AUTS2: variants seen among roughly 807,000 people sequenced by gnomAD.
AUTS2 encodes autism susceptibility gene 2 protein.
A neutral mutation model predicts 112.4 loss-of-function variants in AUTS2; 17 were observed. That is an observed-to-expected ratio of 0.15 (90% confidence interval 0.10 to 0.23). AUTS2 has a LOEUF of 0.23. Among genes scored for constraint, AUTS2 ranks in the 10% least tolerant of loss-of-function variants. AUTS2 has a pLI of 1.00. For synonymous variants in AUTS2, 751 were observed against 702.7 expected, an observed-to-expected ratio of 1.07 and a Z score of -1.09; for missense variants, 1,510 against 1,701.6, an observed-to-expected ratio of 0.89 and a Z score of 1.98.
chr7:69,687,984 G>A (rs1223750636), intron 1 of AUTS2, among the ~76,000 whole-genome samples: 1 of 152,094 alleles, frequency 6.6e-6, no homozygotes, highest in Non-Finnish European at 1.5e-5. Flanking sequence ...TGAGTTATGC[G>A]AGCAGTAAAA....
intron 6 of AUTS2, among the ~76,000 whole-genome samples, chr7:70,755,276 T>A (rs923453930): frequency 1.3e-5 from 2 of 151,874 alleles, no homozygotes; most frequent in South Asian, 4.2e-4. Context: ...TTTTTTTTTT[T>A]TAAACACATG....
At chr7:70,751,233 G>T (rs759787451) in intron 6 of AUTS2, among the ~76,000 whole-genome samples, 3 of 152,206 alleles carry the variant, frequency 2.0e-5, no homozygotes, top group Non-Finnish European at 4.4e-5. Context: ...GGATGAAGGT[G>T]TTAGGGTTAG....
At chr7:69,853,171 A>G (rs1016580739) in intron 1 of AUTS2, among the ~76,000 whole-genome samples, 4 of 152,098 alleles carry the variant, frequency 2.6e-5, no homozygotes, top group African/African-American at 7.2e-5. Context: ...GCATTGTTGA[A>G]ATCTTTTACA....
intron 4 of AUTS2, among the ~76,000 whole-genome samples, chr7:70,272,251 T>C (rs1415757446): frequency 6.6e-6 from 1 of 151,210 alleles, no homozygotes; most frequent in Non-Finnish European, 1.5e-5. Flanking sequence ...AAAAAAAAGA[T>C]AGGACACATT....
intron 1 of AUTS2, among the ~76,000 whole-genome samples, chr7:69,669,243 T>C (rs1796205249): frequency 6.6e-6 from 1 of 152,142 alleles, no homozygotes; most frequent in African/African-American, 2.4e-5. Context: ...TTTTTGGACA[T>C]GTATCTTCCC....
intron 5 of AUTS2, among the ~76,000 whole-genome samples, chr7:70,566,490 T>A (rs1199206865): frequency 6.6e-6 from 1 of 152,180 alleles, no homozygotes; most frequent in African/African-American, 2.4e-5. Flanking sequence ...CTGGAATGGA[T>A]CGGCCTTAGG....
intron 1 of AUTS2, among the ~76,000 whole-genome samples, chr7:69,751,709 C>T (rs972425196): frequency 6.6e-6 from 1 of 152,132 alleles, no homozygotes; most frequent in Non-Finnish European, 1.5e-5. Flanking sequence ...AAAGGTATGG[C>T]CAGGTGTCAT....
At chr7:69,702,291 A>T (rs538026600) in intron 1 of AUTS2, among the ~76,000 whole-genome samples, 1 of 152,316 alleles carries the variant, frequency 6.6e-6, no homozygotes, top group East Asian at 1.9e-4. Context: ...TTCCTGGGAA[A>T]CACAAATAAA....
At chr7:69,703,214 C>G (rs1268976211) in intron 1 of AUTS2, among the ~76,000 whole-genome samples, 1 of 152,074 alleles carries the variant, frequency 6.6e-6, no homozygotes, top group Admixed American at 6.5e-5. Context: ...GTGCAGGACT[C>G]CTGAGTAATT....
rs568143289 is a variant in AUTS2 at position 69,923,541 on chromosome 7, A to G, written c.522+24043A>G. ...TGAGATTATATTGATCGTGTGATCA[A>G]TTTGGGGAGAATTGACAGTTTAAAA... On this transcript the variant is annotated intron_variant, in intron 2 of 18. Coordinates refer to ENST00000342771, the MANE Select transcript of AUTS2 (RefSeq NM_015570.4). Among the ~76,000 whole-genome samples, 8 of 152,326 alleles carry G rather than the reference A, an allele frequency of 5.3e-5. No homozygotes were observed. In the South Asian group the frequency reaches 1.4e-3, roughly 28 times the overall value.
intron 2 of AUTS2, among the ~76,000 whole-genome samples, chr7:69,948,407 C>T (rs899940518): frequency 6.6e-6 from 1 of 152,184 alleles, no homozygotes; most frequent in Non-Finnish European, 1.5e-5. Flanking sequence ...TTCTCAAATA[C>T]TGGGAACTTT....
In AUTS2 at chr7:70,790,881, C is replaced by T. The variant is rs1336239612; in HGVS notation, c.3665C>T (p.Pro1222Leu). 1.2e-6 allele frequency: 2 copies of T among 1,602,268 alleles called. No homozygotes were observed. The highest frequency in any genetic ancestry group is 1.3e-5 in the African/African-American group (1 of 74,764). Residue 1222 changes from proline (P) to leucine (L), a missense_variant, in exon 19 of 19, where the codon CCG becomes CTG. Physicochemically the swap from Pro to Leu is moderately conservative, Grantham distance 98. Coordinates refer to ENST00000342771, the MANE Select transcript of AUTS2 (RefSeq NM_015570.4). The surrounding 1 kb of genome is among the most constrained non-coding windows in gnomAD (Gnocchi z 7.6). ...PPTAALSAPP[P>L]LISTLGGRPV... is the part of the protein sequence containing the mutation. ...ACAGCAGCGCTGAGCGCACCTCCCCCGCTCATCTCCACGCTGGGGGGCCGC... is the reference window on the plus strand; with the variant it reads ...ACAGCAGCGCTGAGCGCACCTCCCCTGCTCATCTCCACGCTGGGGGGCCGC...
intron 4 of AUTS2, among the ~76,000 whole-genome samples, chr7:70,371,732 G>A (rs1469810628): frequency 6.6e-6 from 1 of 152,132 alleles, no homozygotes; most frequent in Non-Finnish European, 1.5e-5. Flanking sequence ...TTATAAGACA[G>A]TAAATTGATG....
intron 5 of AUTS2, among the ~76,000 whole-genome samples, chr7:70,530,505 A>G (rs1428000042): frequency 6.6e-6 from 1 of 152,112 alleles, no homozygotes; most frequent in African/African-American, 2.4e-5. Flanking sequence ...TAGAAACCTT[A>G]TGCTCAAGCC....
chr7:70,605,547 T>TC (rs1491406342), intron 5 of AUTS2, among the ~76,000 whole-genome samples: 6 of 3,820 alleles, frequency 1.6e-3, no homozygotes, highest in Admixed American at 5.1e-3. Flanking sequence ...CTTCTTTCTC[T>TC]TTTTTTTTTT....
chr7:70,322,488 A>C (rs748884914), intron 4 of AUTS2, among the ~76,000 whole-genome samples: 2 of 152,148 alleles, frequency 1.3e-5, no homozygotes, highest in Non-Finnish European at 2.9e-5. Flanking sequence ...CCCCAGGAAA[A>C]GGTGATCACT....
chr7:70,059,914 T>C (rs1228576612), intron 2 of AUTS2, among the ~76,000 whole-genome samples: 1 of 152,210 alleles, frequency 6.6e-6, no homozygotes, highest in African/African-American at 2.4e-5. Context: ...AATAATTGAC[T>C]TAAAATTAAC....
At chr7:70,446,982 T>A (rs1461895731) in intron 5 of AUTS2, among the ~76,000 whole-genome samples, 1 of 152,178 alleles carries the variant, frequency 6.6e-6, no homozygotes, top group Non-Finnish European at 1.5e-5. Flanking sequence ...CCATCTGCTC[T>A]CTCTCCTTGA....
intron 5 of AUTS2, among the ~76,000 whole-genome samples, chr7:70,652,315 C>T (rs530432943): frequency 1.8e-4 from 28 of 151,906 alleles, no homozygotes; most frequent in African/African-American, 5.6e-4. Context: ...CTATTTGATT[C>T]GTCCTACTTA....
Sources: allele counts gnomAD v4.1 joint callset (sites outside exome capture counted in the v4.1 genomes callset), GRCh38; gene constraint gnomAD v4.1.1; non-coding constraint Gnocchi (gnomAD v3.1); transcripts MANE v1.5; gene names NCBI Gene and HGNC (gene_info 2026-07-23, HGNC 2026-07-21).